The following BAZ2B variants were observed in gnomAD, a reference collection of about 807,000 sequenced individuals.
BAZ2B encodes bromodomain adjacent to zinc finger domain protein 2B.
In BAZ2B, 91 loss-of-function variants were observed where a neutral mutation model predicts 246.0. The observed-to-expected ratio is 0.37, with a 90% CI of 0.31 to 0.44. The LOEUF (loss-of-function observed/expected upper bound fraction) is 0.44, where lower values mean the gene tolerates loss of function less well. Ranked by LOEUF, BAZ2B falls within the 20% of genes least tolerant of loss-of-function variation. The probability of loss-of-function intolerance (pLI) is 1.00; values close to 1 mark genes in which losing one functional copy is unlikely to be tolerated. For synonymous variants in BAZ2B, 855 were observed against 860.0 expected (o/e 0.99, Z 0.10); for missense variants, 2,332 against 2,533.7 (o/e 0.92, Z 1.71).
At chr2:159,500,220 TCA>T (rs1451332577) in intron 2 of BAZ2B, among the ~76,000 whole-genome samples, 1 of 152,210 alleles carries the variant, frequency 6.6e-6, no homozygotes, top group Admixed American at 6.5e-5. Context: ...GGATCCAGTT[TCA>T]GTTTTCTGCA....
the BAZ2B span, among the ~76,000 whole-genome samples, chr2:159,657,355 G>A: frequency 6.6e-6 from 1 of 152,200 alleles, no homozygotes; most frequent in Admixed American, 6.5e-5. Context: ...GTACCACACC[G>A]TGTTGATTAC....
At chr2:159,469,708 T>G (rs1204510694) in intron 3 of BAZ2B, among the ~76,000 whole-genome samples, 2 of 152,150 alleles carry the variant, frequency 1.3e-5, no homozygotes, top group East Asian at 3.8e-4. Context: ...CCCAAAGTGC[T>G]GGGATTACAG....
At chr2:159,496,406 T>TAAA (rs2081147499) in intron 2 of BAZ2B, among the ~76,000 whole-genome samples, 1 of 130,712 alleles carries the variant, frequency 7.7e-6, no homozygotes, top group African/African-American at 3.0e-5. Flanking sequence ...AAAAAATTAA[T>TAAA]GCTACCAGAA....
At chr2:159,401,047 T>TA (rs112642791) in intron 16 of BAZ2B, among the ~76,000 whole-genome samples, 6,526 of 135,954 alleles carry the variant, frequency 0.048, 203 homozygotes, top group African/African-American at 0.09. Context: ...CGTCTCAAAA[T>TA]AAAAAAAAAA....
the BAZ2B span, among the ~76,000 whole-genome samples, chr2:159,628,887 A>G: frequency 6.6e-6 from 1 of 152,236 alleles, no homozygotes; most frequent in Non-Finnish European, 1.5e-5. Flanking sequence ...CAGGAAACCT[A>G]CAGAATGGGA....
At chr2:159,470,689 T>C (rs889712230) in intron 3 of BAZ2B, among the ~76,000 whole-genome samples, 2 of 152,158 alleles carry the variant, frequency 1.3e-5, no homozygotes, top group African/African-American at 4.8e-5. Context: ...CAACAGACTT[T>C]AGATGTGAGG....
the BAZ2B span, among the ~76,000 whole-genome samples, chr2:159,624,880 C>T: frequency 1.4e-4 from 21 of 152,076 alleles, no homozygotes; most frequent in African/African-American, 4.8e-4. Flanking sequence ...ATAACAAACT[C>T]CTCTGAGCTA....
intron 2 of BAZ2B, among the ~76,000 whole-genome samples, chr2:159,486,202 T>C (rs2150986045): frequency 6.6e-6 from 1 of 152,122 alleles, no homozygotes; most frequent in East Asian, 1.9e-4. Context: ...ATATGGTGTA[T>C]GGTTAGCTGA....
the BAZ2B span, among the ~76,000 whole-genome samples, chr2:159,652,995 G>A: frequency 6.6e-6 from 1 of 150,780 alleles, no homozygotes; most frequent in African/African-American, 2.4e-5. Context: ...TGGAGTGCAG[G>A]GGTGCCATCT....
chr2:159,601,352 A>G (rs1692082104), intron 1 of BAZ2B, among the ~76,000 whole-genome samples: 1 of 151,316 alleles, frequency 6.6e-6, no homozygotes, highest in South Asian at 2.1e-4. Context: ...TGCACCTGGG[A>G]GGTCAAGGCT....
intron 27 of BAZ2B, among the ~76,000 whole-genome samples, chr2:159,362,962 C>T (rs77640751): frequency 0.047 from 7,177 of 152,170 alleles, 236 homozygotes; most frequent in Middle Eastern, 0.11. Flanking sequence ...CTGTGAGGCA[C>T]GGTGTACAGG....
intron 1 of BAZ2B, among the ~76,000 whole-genome samples, chr2:159,568,251 G>T (rs530837406): frequency 6.6e-6 from 1 of 152,182 alleles, no homozygotes; most frequent in East Asian, 1.9e-4. Context: ...GATGTCCATA[G>T]AAAATCATAT....
At chr2:159,542,180 A>G (rs1300714664) in intron 2 of BAZ2B, among the ~76,000 whole-genome samples, 1 of 152,210 alleles carries the variant, frequency 6.6e-6, no homozygotes, top group East Asian at 1.9e-4. Context: ...GAGCCTATGG[A>G]ACCTGTAAGA....
At chr2:159,495,484 C>A (rs1415245769) in intron 2 of BAZ2B, among the ~76,000 whole-genome samples, 18 of 73,214 alleles carry the variant, frequency 2.5e-4, no homozygotes, top group Admixed American at 8.7e-4. Context: ...GACTCCGTCT[C>A]AAAAAAAAAA....
At chr2:159,705,494 A>G in the BAZ2B span, among the ~76,000 whole-genome samples, 3 of 152,260 alleles carry the variant, frequency 2.0e-5, no homozygotes, top group African/African-American at 7.2e-5. Context: ...TATATTCAGC[A>G]TAAATTTAAA....
At chr2:159,449,895 G>T (rs745898309) in intron 4 of BAZ2B, among the ~76,000 whole-genome samples, 1 of 152,166 alleles carries the variant, frequency 6.6e-6, no homozygotes, top group Non-Finnish European at 1.5e-5. Flanking sequence ...TGAGGACCAG[G>T]CACAGTGGTT....
intron 2 of BAZ2B, among the ~76,000 whole-genome samples, chr2:159,531,694 G>A (rs1357211365): frequency 2.0e-5 from 3 of 151,962 alleles, no homozygotes; most frequent in Admixed American, 6.6e-5. Flanking sequence ...GCCATTTACA[G>A]CCTCCAAGTC....
intron 1 of BAZ2B, among the ~76,000 whole-genome samples, chr2:159,608,329 C>A (rs1273367904): frequency 6.6e-6 from 1 of 152,162 alleles, no homozygotes; most frequent in African/African-American, 2.4e-5. Flanking sequence ...AAACTGGGAT[C>A]GTGCCACTGC....
At chr2:159,605,177 G>A (rs569233648) in intron 1 of BAZ2B, among the ~76,000 whole-genome samples, 2 of 152,116 alleles carry the variant, frequency 1.3e-5, no homozygotes, top group South Asian at 4.2e-4. Context: ...ACGGGTGCAT[G>A]CCACCACACC....
Sources: gnomAD v4.1 joint callset for allele counts (sites outside exome capture counted in the v4.1 genomes callset) on GRCh38, gnomAD v4.1.1 for gene constraint, MANE v1.5 for transcripts, NCBI Gene and HGNC (gene_info 2026-07-23, HGNC 2026-07-21) for gene names.